Variants in ATXN1 observed in about 807,000 individuals in gnomAD.
ATXN1 encodes ataxin-1.
In ATXN1, 8 loss-of-function variants were observed where a neutral mutation model predicts 56.4. The ratio of observed to expected loss-of-function variants is 0.14; its 90% CI spans 0.08 to 0.26. The LOEUF (loss-of-function observed/expected upper bound fraction) is 0.26, where lower values mean the gene tolerates loss of function less well. Ranked by LOEUF, ATXN1 falls within the 10% of genes least tolerant of loss-of-function variation. ATXN1 has a pLI of 1.00. For synonymous variants in ATXN1, 514 were observed against 494.6 expected (o/e 1.04, Z -0.52); for missense variants, 987 against 1,106.5 (o/e 0.89, Z 1.53).
At chr6:16,608,894 C>T (rs1763056854) in intron 3 of ATXN1, among the ~76,000 whole-genome samples, 1 of 152,186 alleles carries the variant, frequency 6.6e-6, no homozygotes, top group Non-Finnish European at 1.5e-5. Context: ...GTAAAATTCA[C>T]ATTCCTCTCC....
chr6:16,601,367 T>C (rs1448839060), intron 3 of ATXN1, among the ~76,000 whole-genome samples: 1 of 152,196 alleles, frequency 6.6e-6, no homozygotes, highest in Non-Finnish European at 1.5e-5. Context: ...TGGAACAAAT[T>C]ACTGGGGCTA....
chr6:16,508,468 T>A, intron 5 of ATXN1, among the ~76,000 whole-genome samples: 1 of 152,168 alleles, frequency 6.6e-6, no homozygotes, highest in Admixed American at 6.5e-5. Flanking sequence ...ATGGCATAAA[T>A]ATGAACTTCT....
chr6:16,616,297 TG>T (rs899477065), intron 3 of ATXN1, among the ~76,000 whole-genome samples: 61 of 152,058 alleles, frequency 4.0e-4, no homozygotes, highest in African/African-American at 1.3e-3. Flanking sequence ...CCCAGCATTT[TG>T]GGAGGCCAAG....
intron 6 of ATXN1, among the ~76,000 whole-genome samples, chr6:16,447,156 G>A (rs1221238149): frequency 2.0e-5 from 3 of 152,080 alleles, no homozygotes; most frequent in Non-Finnish European, 2.9e-5. Context: ...TAGTGTACCG[G>A]GATGACAGAC....
In ATXN1 at chr6:16,453,226, C is replaced by T. The variant is rs539654480; in HGVS notation, c.-161+32746G>A. On this transcript the variant is annotated intron_variant, in intron 6 of 7. Transcript: ENST00000436367. ...GTACACTCTCAGCACTTTGGGATGC[C>T]GAGGCGGGTGGATCACAAGGTCAGG... Among the ~76,000 whole-genome samples the T allele has an allele frequency of 1.6e-4, 24 of 152,122 alleles. No homozygotes were observed. In the South Asian group the frequency reaches 3.7e-3, roughly 24 times the overall value.
At chr6:16,449,389 G>C (rs755851365) in intron 6 of ATXN1, among the ~76,000 whole-genome samples, 1 of 152,220 alleles carries the variant, frequency 6.6e-6, no homozygotes, top group Non-Finnish European at 1.5e-5. Context: ...GCCAATGTCA[G>C]AGATTAAATC....
chr6:16,747,033 C>T (rs1760557832), intron 2 of ATXN1, among the ~76,000 whole-genome samples: 1 of 152,028 alleles, frequency 6.6e-6, no homozygotes, highest in South Asian at 2.1e-4. Flanking sequence ...AACTACCAGT[C>T]CAACAGCACA....
At chr6:16,584,697 A>T (rs887448709) in intron 4 of ATXN1, among the ~76,000 whole-genome samples, 11 of 151,584 alleles carry the variant, frequency 7.3e-5, no homozygotes, top group Non-Finnish European at 1.6e-4. Context: ...GTCAGCAAAA[A>T]ACTCTTTTTG....
At chr6:16,711,966 A>T (rs1272571244) in intron 2 of ATXN1, among the ~76,000 whole-genome samples, 1 of 88,760 alleles carries the variant, frequency 1.1e-5, no homozygotes, top group Non-Finnish European at 2.2e-5. Context: ...GCAGATACGA[A>T]AAAGTACTGA....
At chr6:16,743,677 T>C (rs184149339) in intron 2 of ATXN1, among the ~76,000 whole-genome samples, 1 of 151,994 alleles carries the variant, frequency 6.6e-6, no homozygotes, top group Non-Finnish European at 1.5e-5. Flanking sequence ...CCAGAAAAGG[T>C]AGCAAATAAC....
intron 6 of ATXN1, among the ~76,000 whole-genome samples, chr6:16,431,002 AG>A (rs1759271722): frequency 6.6e-6 from 1 of 151,574 alleles, no homozygotes; most frequent in African/African-American, 2.4e-5. Flanking sequence ...TGACAACAGC[AG>A]AGCCCTCTCA....
chr6:16,403,207 C>T lies in ATXN1; in HGVS notation c.-160-74737G>A, dbSNP rs553205277. Among the ~76,000 whole-genome samples, 5 of 152,266 alleles carry T rather than the reference C, an allele frequency of 3.3e-5. No individual in the cohort carries two copies. In the South Asian group the frequency reaches 6.2e-4, roughly 19 times the overall value. Reference sequence around the variant, plus strand: ...CTGCCACATCCCAAACCTAGCAGACCAAGTTCAACTTTGGAAATGCATCAT... The same window carrying T: ...CTGCCACATCCCAAACCTAGCAGACTAAGTTCAACTTTGGAAATGCATCAT... On this transcript the variant is annotated intron_variant, in intron 6 of 7. Transcript: ENST00000436367.
In ATXN1 at chr6:16,398,471, T is replaced by C. The variant is rs181330008; in HGVS notation, c.-160-70001A>G. Among the ~76,000 whole-genome samples, 183 of 152,324 alleles carry C rather than the reference T, an allele frequency of 1.2e-3. 1 individual carries two copies. Among genetic ancestry groups the C allele is most frequent in the Non-Finnish European group, 1.5e-3 (103 of 68,028 alleles). The stretch of plus-strand genomic sequence containing the variant: ...AAAATAATATATATGTATATGTGTA[T>C]AGAGTTTATTTTACACACACACACA... On this transcript the variant is annotated intron_variant, in intron 6 of 7. Coordinates refer to ENST00000436367, the MANE Select transcript of ATXN1 (RefSeq NM_001128164.2).
chr6:16,544,422 T>C (rs1398096722), intron 4 of ATXN1, among the ~76,000 whole-genome samples: 1 of 152,164 alleles, frequency 6.6e-6, no homozygotes, highest in Non-Finnish European at 1.5e-5. Context: ...AACACAAGAA[T>C]GAGCCTGCAA....
chr6:16,723,115 G>C (rs908861451), intron 2 of ATXN1, among the ~76,000 whole-genome samples: 9 of 152,132 alleles, frequency 5.9e-5, no homozygotes, highest in African/African-American at 2.2e-4. Flanking sequence ...AAATAAAGGA[G>C]AATTCTACTA....
At chr6:16,365,649 T>C (rs1235331414) in intron 6 of ATXN1, among the ~76,000 whole-genome samples, 7 of 152,256 alleles carry the variant, frequency 4.6e-5, no homozygotes, top group Non-Finnish European at 7.3e-5. Context: ...TTCATCTGTT[T>C]GTCAGTTCTA....
At chr6:16,670,431 A>T (rs953970772) in intron 2 of ATXN1, among the ~76,000 whole-genome samples, 2 of 152,172 alleles carry the variant, frequency 1.3e-5, no homozygotes, top group Non-Finnish European at 2.9e-5. Flanking sequence ...AGGAAGGGGG[A>T]TGTGAAACAT....
intron 2 of ATXN1, among the ~76,000 whole-genome samples, chr6:16,696,237 T>A (rs1759162721): frequency 1.3e-5 from 2 of 152,146 alleles, no homozygotes; most frequent in African/African-American, 4.8e-5. Flanking sequence ...CTGGTTTCTC[T>A]TAAGTTTACA....
intron 2 of ATXN1, among the ~76,000 whole-genome samples, chr6:16,731,454 C>CTTTTTT (rs71559655): frequency 0.016 from 1,295 of 81,482 alleles, 93 homozygotes; most frequent in African/African-American, 0.024. Context: ...TTTTTCTTTT[C>CTTTTTT]TTTTTTTTTT....
Sources: gnomAD v4.1 joint callset for allele counts (sites outside exome capture counted in the v4.1 genomes callset) on GRCh38, gnomAD v4.1.1 for gene constraint, MANE v1.5 for transcripts, NCBI Gene and HGNC (gene_info 2026-07-23, HGNC 2026-07-21) for gene names.